The following RASL10A variants were observed in gnomAD, a reference collection of about 807,000 sequenced individuals.
RASL10A encodes RAS like family 10 member A, also known as ras-like protein family member 10A.
In RASL10A, 13 loss-of-function variants were observed where a neutral mutation model predicts 17.3. That is an observed-to-expected ratio of 0.75 (90% CI 0.49 to 1.20). The LOEUF (loss-of-function observed/expected upper bound fraction) is 1.20, where lower values mean the gene tolerates loss of function less well. Among genes scored for constraint, RASL10A ranks in the 50% most tolerant of loss-of-function variants. The pLI is 0.00. For synonymous variants in RASL10A, 159 were observed against 142.2 expected, an observed-to-expected ratio of 1.12 and a Z score of -0.84; for missense variants, 307 against 310.3, an observed-to-expected ratio of 0.99 and a Z score of 0.08.
chr22:29,316,047 G>C (rs1388953211), upstream of RASL10A, among the ~76,000 whole-genome samples: 1 of 152,208 alleles, frequency 6.6e-6, no homozygotes, highest in African/African-American at 2.4e-5. Context: ...TGGGCGAATC[G>C]CCGCACTGCG....
chr22:29,314,962 C>A, intron 1 of RASL10A, 66 bp downstream of exon 1: 2 of 1,288,538 alleles, frequency 1.6e-6, no homozygotes, highest in Non-Finnish European at 2.0e-6. Flanking sequence ...CGGACACGCA[C>A]GTGTGCACCG....
intron 1 of RASL10A, 132 bp from the exon 2 acceptor site, chr22:29,314,119 G>T (rs2061438577): frequency 2.4e-6 from 3 of 1,265,526 alleles, no homozygotes; most frequent in Non-Finnish European, 2.1e-6. Flanking sequence ...CCTCCCCCAA[G>T]CTTTCCGGGC....
chr22:29,318,187 T>C (rs2061462135), upstream of RASL10A, among the ~76,000 whole-genome samples: 1 of 152,216 alleles, frequency 6.6e-6, no homozygotes, highest in South Asian at 2.1e-4. Flanking sequence ...GAGGCTCCCA[T>C]GAAGCCCTGC....
rs1160532937 is a variant in RASL10A at position 29,313,097 on chromosome 22, C to T, written c.*204G>A. The T allele has an allele frequency of 4.8e-5, 28 of 583,938 alleles. No individual in the cohort carries two copies. In the Admixed American group the frequency reaches 8.2e-4, roughly 17 times the overall value. The allele number at this position is 583,938 out of a possible 1,614,324, so 36.2% of individuals were successfully genotyped here. On this transcript the variant is annotated 3_prime_UTR_variant, in exon 3 of 3. Transcript: ENST00000216101. ...AGGTCCCAGAAAGGACTGGTCATCT[C>T]CAATGGAGCTTGGGACCTGGTTGGG... is the stretch of plus-strand genomic sequence containing the variant.
intron 1 of RASL10A, among the ~76,000 whole-genome samples, chr22:29,314,808 G>C (rs1166819566): frequency 1.3e-5 from 2 of 152,106 alleles, no homozygotes; most frequent in Non-Finnish European, 2.9e-5. Flanking sequence ...CAGGAGCAAG[G>C]GAACGCCCCT....
upstream of RASL10A, among the ~76,000 whole-genome samples, chr22:29,317,904 T>C (rs2061460976): frequency 6.6e-6 from 1 of 151,992 alleles, no homozygotes; most frequent in Non-Finnish European, 1.5e-5. Context: ...CAGGCTGGTC[T>C]CGAACTGCTG....
chr22:29,314,077 G>C, intron 1 of RASL10A, 90 bp from the exon 2 acceptor site: 1 of 1,543,948 alleles, frequency 6.5e-7, no homozygotes, highest in Non-Finnish European at 8.7e-7. Context: ...TAATCCTCAG[G>C]CCAACATCAC....
Sources: gnomAD v4.1 joint callset for allele counts (sites outside exome capture counted in the v4.1 genomes callset) on GRCh38, gnomAD v4.1.1 for gene constraint, MANE v1.5 for transcripts, NCBI Gene and HGNC (gene_info 2026-07-23, HGNC 2026-07-21) for gene names.